Variants in XRCC5 observed in about 807,000 individuals in gnomAD.
XRCC5 encodes the protein X-ray repair cross complementing 5.
Under a neutral mutation model 95.7 loss-of-function variants are expected in XRCC5, and 12 were observed. That is an observed-to-expected ratio of 0.13 (90% CI 0.08 to 0.20). XRCC5 has a LOEUF of 0.20. Ranked by LOEUF, XRCC5 falls within the 10% of genes least tolerant of loss-of-function variation. The pLI, the probability that XRCC5 is intolerant of heterozygous loss-of-function variation, is 1.00. For synonymous variants in XRCC5, 281 were observed against 290.3 expected, an observed-to-expected ratio of 0.97 and a Z score of 0.33; for missense variants, 595 against 873.9, an observed-to-expected ratio of 0.68 and a Z score of 4.02.
At chr2:216,176,909 C>T (rs1689288535) in intron 16 of XRCC5, among the ~76,000 whole-genome samples, 1 of 152,154 alleles carries the variant, frequency 6.6e-6, no homozygotes, top group Non-Finnish European at 1.5e-5. Flanking sequence ...ATTTTGTTTT[C>T]ATTTAGTTTA....
At chr2:216,170,064 A>G in intron 16 of XRCC5, among the ~76,000 whole-genome samples, 1 of 144,856 alleles carries the variant, frequency 6.9e-6, no homozygotes, top group East Asian at 1.9e-4. Context: ...AAAAAAAAAA[A>G]AAAAAAGATG....
chr2:216,201,419 C>G (rs1333489262), intron 19 of XRCC5, among the ~76,000 whole-genome samples: 1 of 152,110 alleles, frequency 6.6e-6, no homozygotes, highest in Non-Finnish European at 1.5e-5. Context: ...AGATGATAGT[C>G]TTTTAGTCTT....
At chr2:216,137,046 C>G (rs767254553) in intron 10 of XRCC5, 42 bp from the exon 11 acceptor site, 25 of 1,587,740 alleles carry the variant, frequency 1.6e-5, no homozygotes, top group Middle Eastern at 1.7e-4. Flanking sequence ...TGAAAACTCT[C>G]ACATGTTGAA....
chr2:216,141,035 G>C (rs1230286403), intron 12 of XRCC5, 151 bp from the exon 13 acceptor site: 5 of 800,224 alleles, frequency 6.2e-6, no homozygotes, highest in Admixed American at 6.0e-5. Flanking sequence ...ACCAAGACTT[G>C]GGTTAAATAC....
intron 19 of XRCC5, 120 bp downstream of exon 19, chr2:216,195,106 A>G (rs1689690153): frequency 1.4e-5 from 12 of 885,498 alleles, no homozygotes; most frequent in South Asian, 9.0e-5. Context: ...TTTGTATTCA[A>G]TATGTAAATT....
chr2:216,178,668 A>G (rs762264455), intron 16 of XRCC5, among the ~76,000 whole-genome samples: 2 of 152,198 alleles, frequency 1.3e-5, no homozygotes, highest in Non-Finnish European at 2.9e-5. Flanking sequence ...ACATCTGCAT[A>G]TATATCTTAT....
At chr2:216,157,747 T>C (rs1688874290) in intron 14 of XRCC5, among the ~76,000 whole-genome samples, 1 of 152,220 alleles carries the variant, frequency 6.6e-6, no homozygotes, top group African/African-American at 2.4e-5. Context: ...TCATACATGT[T>C]TGTGAAAGAA....
At chr2:216,138,634 A>T (rs1293146512) in intron 12 of XRCC5, among the ~76,000 whole-genome samples, 1 of 152,112 alleles carries the variant, frequency 6.6e-6, no homozygotes, top group African/African-American at 2.4e-5. Flanking sequence ...ATTGTTACTT[A>T]TTTCTGGCTT....
At chr2:216,196,400 T>G (rs1689721836) in intron 19 of XRCC5, among the ~76,000 whole-genome samples, 1 of 152,168 alleles carries the variant, frequency 6.6e-6, no homozygotes, top group Non-Finnish European at 1.5e-5. Flanking sequence ...TGGTTTTGTT[T>G]CTGTTTGTCA....
chr2:216,165,217 A>T (rs1389905758), intron 16 of XRCC5, among the ~76,000 whole-genome samples: 1 of 152,162 alleles, frequency 6.6e-6, no homozygotes, highest in Admixed American at 6.5e-5. Flanking sequence ...TTAAAACAAC[A>T]TTTTAAGGTC....
At position 216,127,661 on chromosome 2, in the gene XRCC5, G is replaced by T; in HGVS notation, c.924G>T (p.Glu308Asp). Residue 308 changes from glutamate to aspartate, a missense_variant, in exon 8 of 21, where the codon GAG becomes GAT. Physicochemically the swap from Glu to Asp is conservative, Grantham distance 45. Coordinates refer to ENST00000392132, the MANE Select transcript of XRCC5 (RefSeq NM_021141.4). ...ATGATGAAACTGAAGTTTTAAAAGA[G>T]GATATTATTCAAGGTATGTCAGTAA... ...NDDDETEVLK[E>D]DIIQGFRYGS... The T allele has an allele frequency of 6.2e-7, 1 of 1,603,400 alleles. No homozygotes were observed. Among genetic ancestry groups the T allele is most frequent in the South Asian group, 1.1e-5 (1 of 88,614 alleles).
At chr2:216,117,462 T>A in intron 3 of XRCC5, 1 of 423,758 alleles carries the variant, frequency 2.4e-6, no homozygotes, top group East Asian at 3.8e-5. Flanking sequence ...CAAGAATGGG[T>A]TCTAGATACT....
chr2:216,202,114 C>G (rs41296793), intron 19 of XRCC5, among the ~76,000 whole-genome samples: 1 of 152,116 alleles, frequency 6.6e-6, no homozygotes, highest in Admixed American at 6.6e-5. Flanking sequence ...ACAATAAGTC[C>G]TTATCTAAGG....
intron 13 of XRCC5, among the ~76,000 whole-genome samples, chr2:216,141,656 C>A (rs1697174718): frequency 6.8e-6 from 1 of 147,564 alleles, no homozygotes; most frequent in Non-Finnish European, 1.5e-5. Flanking sequence ...TCACTATAGC[C>A]TCAAACTCCT....
At chr2:216,118,788 C>T (rs921296215) in intron 4 of XRCC5, among the ~76,000 whole-genome samples, 1 of 152,164 alleles carries the variant, frequency 6.6e-6, no homozygotes, top group Non-Finnish European at 1.5e-5. Context: ...ATTTTTTCAT[C>T]ACATTTGAGT....
chr2:216,132,523 A>C (rs1204217560), intron 10 of XRCC5, 136 bp downstream of exon 10: 11 of 848,524 alleles, frequency 1.3e-5, no homozygotes, highest in Admixed American at 2.2e-5. Context: ...ACTGATGTTT[A>C]ACTGAAAATG....
intron 16 of XRCC5, among the ~76,000 whole-genome samples, chr2:216,176,887 C>T (rs1209878192): frequency 2.6e-5 from 4 of 152,228 alleles, no homozygotes; most frequent in East Asian, 1.9e-4. Context: ...CCATAAATTG[C>T]GATGTGTTAT....
In XRCC5 at chr2:216,152,481, G is replaced by A. The variant is rs181913256; in HGVS notation, c.1670+4205G>A. On this transcript the variant is annotated intron_variant, in intron 14 of 20. Transcript: ENST00000392132. Reference sequence around the variant, plus strand: ...AAAAATTTGGGTGGGAACACAAAGCGTAACCGTATCAGGTGAGAACTCCGC... The same window carrying A: ...AAAAATTTGGGTGGGAACACAAAGCATAACCGTATCAGGTGAGAACTCCGC... Among the ~76,000 whole-genome samples the A allele has an allele frequency of 2.5e-4, 38 of 151,882 alleles. No homozygotes were observed. In the Middle Eastern group the frequency reaches 0.017, roughly 68 times the overall value.
intron 8 of XRCC5, among the ~76,000 whole-genome samples, chr2:216,128,749 AG>A (rs1696933971): frequency 1.3e-5 from 2 of 152,208 alleles, no homozygotes; most frequent in Admixed American, 1.3e-4. Context: ...TTAGTACTTG[AG>A]GGTAACATCT....
Sources: allele counts gnomAD v4.1 joint callset (sites outside exome capture counted in the v4.1 genomes callset), GRCh38; gene constraint gnomAD v4.1.1; transcripts MANE v1.5; gene names NCBI Gene and HGNC (gene_info 2026-07-23, HGNC 2026-07-21).